SCN1A: variants seen among roughly 807,000 people sequenced by gnomAD.
SCN1A encodes the protein sodium voltage-gated channel alpha subunit 1, also known as sodium channel protein type 1 subunit alpha.
In SCN1A, 13 loss-of-function variants were observed where a neutral mutation model predicts 193.7. That is an observed-to-expected ratio of 0.07 (90% CI 0.04 to 0.11). SCN1A has a LOEUF of 0.11. Ranked by LOEUF, SCN1A falls within the 10% of genes least tolerant of loss-of-function variation. The pLI, the probability that SCN1A is intolerant of heterozygous loss-of-function variation, is 1.00. For missense variants in SCN1A, 1,432 were observed against 2,451.1 expected (o/e 0.58, Z 8.78); for synonymous variants, 781 against 843.6 (o/e 0.93, Z 1.29).
At position 165,987,179 on chromosome 2, in the gene SCN1A, T is replaced by C. The variant is rs1688663737; in HGVS notation, c.*4066A>G. ...AGTGTCCTCAATTTGATTTTCCTTG[T>C]AGTTAGATTCTGGTTTTAAAATTTT... On this transcript the variant is annotated 3_prime_UTR_variant, in exon 29 of 29. Transcript: ENST00000674923. 6.6e-6 allele frequency: 1 copy of C among 152,120 alleles called. No individual in the cohort carries two copies. Among genetic ancestry groups the C allele is most frequent in the Non-Finnish European group, 1.5e-5 (1 of 68,004 alleles). The allele number at this position is 152,120 out of a possible 1,614,324, so 9.4% of individuals were successfully genotyped here.
chr2:166,057,275 G>T (rs1209643045), intron 5 of SCN1A, among the ~76,000 whole-genome samples: 1 of 151,968 alleles, frequency 6.6e-6, no homozygotes, highest in Non-Finnish European at 1.5e-5. Context: ...TATTGGAAAT[G>T]CTTGGAACAG....
Position 166,035,938 on chromosome 2 carries a change from A to T in SCN1A, c.3429+110T>A, listed in dbSNP as rs114707732. On this transcript the variant is annotated intron_variant, in intron 19 of 28. Transcript: ENST00000674923. ...TGCTTTTGTATTATCATAAAGTAAA[A>T]AAAAAAAAAAATCTTAAGTCAAAAC... 700,681 of 1,096,964 alleles carry T rather than the reference A, an allele frequency of 0.64. 207,139 individuals carry two copies. Among genetic ancestry groups the T allele is most frequent in the East Asian group, 0.78 (27,413 of 34,974 alleles). The allele number at this position is 1,096,964 out of a possible 1,614,324, so 68.0% of individuals were successfully genotyped here.
intron 1 of SCN1A, chr2:166,137,662 G>A (rs1691917088): frequency 6.6e-6 from 1 of 152,210 alleles, no homozygotes; most frequent in Admixed American, 6.5e-5. Flanking sequence ...TCTTTCTTTT[G>A]TAAATTGTCA....
At chr2:166,000,125 C>T in intron 24 of SCN1A, 2 of 286,646 alleles carry the variant, frequency 7.0e-6, no homozygotes, top group South Asian at 8.8e-5. Flanking sequence ...GTCAATAGCT[C>T]TATCAGCCAA....
intron 2 of SCN1A, among the ~76,000 whole-genome samples, chr2:166,085,754 G>A (rs1057005951): frequency 6.6e-6 from 1 of 152,072 alleles, no homozygotes; most frequent in Non-Finnish European, 1.5e-5. Context: ...GAAAAATTGA[G>A]ACTAGAAGTA....
intron 13 of SCN1A, 59 bp downstream of exon 13, chr2:166,044,984 C>T (rs1574222710): frequency 1.1e-5 from 16 of 1,433,964 alleles, no homozygotes; most frequent in East Asian, 9.2e-5. Flanking sequence ...TCTAATTCTC[C>T]CCCTCTCTCC....
intron 3 of SCN1A, among the ~76,000 whole-genome samples, chr2:166,074,866 T>C (rs1684837279): frequency 6.6e-6 from 1 of 152,176 alleles, no homozygotes; most frequent in African/African-American, 2.4e-5. Flanking sequence ...GTTCTCATTG[T>C]TGTGAGGTTT....
At position 166,037,850 on chromosome 2, in the gene SCN1A, C is replaced by T. The variant is rs1696617643; in HGVS notation, c.2872G>A (p.Asp958Asn). 1.2e-6 allele frequency: 2 copies of T among 1,614,080 alleles called. No homozygotes were observed. The highest frequency in any genetic ancestry group is 1.7e-6 in the Non-Finnish European group (2 of 1,180,024). Residue 958 changes from aspartate to asparagine, a missense_variant, in exon 18 of 29, where the codon GAC (aspartate) becomes AAC (asparagine). By Grantham distance (23) the Asp-to-Asn change is conservative (BLOSUM62 1). Transcript: ENST00000674923. ...GCTTGACCAGCAACCTCCATACAGT[C>T]CCACATGGTCTCTATCCACTCCCCA... Reference protein sequence around the residue: ...LCGEWIETMWDCMEVAGQAMC... With the variant: ...LCGEWIETMWNCMEVAGQAMC...
intron 18 of SCN1A, 108 bp from the exon 19 acceptor site, chr2:166,036,638 AC>A: frequency 8.7e-7 from 1 of 1,146,086 alleles, no homozygotes; most frequent in Non-Finnish European, 1.2e-6. Context: ...AAGTTCTAAA[AC>A]TTGATGAGAA....
Position 165,988,438 on chromosome 2 carries a change from CA to C in SCN1A, c.*2806del, listed in dbSNP as rs1205344166. The stretch of plus-strand genomic sequence containing the variant: ...GAGAAAGCTACAAGGAATACAAAAG[CA>C]CTCTCAATGCAGCAGCAGACCTGAA... On this transcript the variant is annotated 3_prime_UTR_variant, in exon 29 of 29. Transcript: ENST00000674923. 6.6e-6 allele frequency: 1 copy of C among 152,186 alleles called. No homozygotes were observed. The highest frequency in any genetic ancestry group is 2.4e-5 in the African/African-American group (1 of 41,422). 9.4% of individuals were successfully genotyped at this position (152,186 alleles called of 1,614,324 possible).
At chr2:166,125,865 C>T (rs951825866) in intron 2 of SCN1A, among the ~76,000 whole-genome samples, 2 of 152,142 alleles carry the variant, frequency 1.3e-5, no homozygotes, top group African/African-American at 4.8e-5. Flanking sequence ...CTCCAGACAG[C>T]ACATTTCCCA....
At chr2:166,049,651 T>TC in intron 9 of SCN1A, among the ~76,000 whole-genome samples, 1 of 152,042 alleles carries the variant, frequency 6.6e-6, no homozygotes, top group East Asian at 1.9e-4. Context: ...GTCCAGTTCT[T>TC]CTATAACTTT....
In SCN1A at chr2:165,987,863, A is replaced by C. The variant is rs1041984389; in HGVS notation, c.*3382T>G. 2.6e-5 allele frequency: 4 copies of C among 152,280 alleles called. No individual in the cohort carries two copies. The highest frequency in any genetic ancestry group is 2.1e-4 in the South Asian group (1 of 4,826). The allele number at this position is 152,280 out of a possible 1,614,324, so 9.4% of individuals were successfully genotyped here. A position where few individuals can be genotyped will look rare whatever the true frequency, so the allele number is the denominator to read the frequency against. On this transcript the variant is annotated 3_prime_UTR_variant, in exon 29 of 29. Coordinates refer to ENST00000674923, the MANE Select transcript of SCN1A (RefSeq NM_001165963.4). ...AATGGCGTGGATGGGTAGTATAAAAAGTCTGCAGGGTTTATCCTATAATTC... is the reference window on the plus strand; with the variant it reads ...AATGGCGTGGATGGGTAGTATAAAACGTCTGCAGGGTTTATCCTATAATTC...
chr2:166,148,485 G>A (rs889317155), intron 1 of SCN1A, among the ~76,000 whole-genome samples: 1 of 152,158 alleles, frequency 6.6e-6, no homozygotes, highest in Non-Finnish European at 1.5e-5. Flanking sequence ...TTGAGCCAAT[G>A]CAGTTAATCC....
Position 166,039,459 on chromosome 2 carries a change from A to G in SCN1A, c.2553T>C (p.Asn851=). 2 of 1,611,618 alleles carry G rather than the reference A, an allele frequency of 1.2e-6. No homozygotes were observed. The highest frequency in any genetic ancestry group is 1.7e-6 in the Non-Finnish European group (2 of 1,179,500). The part of the protein sequence containing the change: ...TLSLVELGLA[N]VEGLSVLRSF... ...AACGGAGAACAGATAATCCTTCCAC[A>G]TTGGCGAGTCCAAGTTCTACCAGGC... is the stretch of plus-strand genomic sequence containing the variant. Residue 851 remains asparagine, a synonymous_variant, in exon 17 of 29, where the codon AAT becomes AAC. Transcript: ENST00000674923.
intron 27 of SCN1A, 50 bp from the exon 28 acceptor site, chr2:165,994,466 C>A: frequency 6.4e-7 from 1 of 1,551,578 alleles, no homozygotes. Flanking sequence ...TTCTCATGTG[C>A]ATTAGCATTA....
intron 23 of SCN1A, among the ~76,000 whole-genome samples, chr2:166,006,155 TAAAG>T (rs778782076): frequency 6.6e-6 from 1 of 151,218 alleles, no homozygotes; most frequent in Non-Finnish European, 1.5e-5. Context: ...CTAATAGAAA[TAAAG>T]AAAATCTATG....
At chr2:166,027,906 G>A (rs1574125789) in intron 19 of SCN1A, among the ~76,000 whole-genome samples, 4 of 152,060 alleles carry the variant, frequency 2.6e-5, no homozygotes, top group Non-Finnish European at 4.4e-5. Context: ...CAATGGAAAA[G>A]ACACTGTAAT....
At chr2:166,039,168 T>G (rs1182629110) in intron 17 of SCN1A, among the ~76,000 whole-genome samples, 1 of 151,672 alleles carries the variant, frequency 6.6e-6, no homozygotes, top group Non-Finnish European at 1.5e-5. Context: ...TGTAGTAGTC[T>G]CTAGAAGCAA....
Sources: allele counts gnomAD v4.1 joint callset (sites outside exome capture counted in the v4.1 genomes callset), GRCh38; gene constraint gnomAD v4.1.1; transcripts MANE v1.5; gene names NCBI Gene and HGNC (gene_info 2026-07-23, HGNC 2026-07-21).